TMEM132B: variants seen among roughly 807,000 people sequenced by gnomAD.
The protein encoded by TMEM132B is transmembrane protein 132B.
Under a neutral mutation model 90.8 loss-of-function variants are expected in TMEM132B, and 18 were observed. That is an observed-to-expected ratio of 0.20 (90% CI 0.14 to 0.29). TMEM132B has a LOEUF of 0.29. Among genes scored for constraint, TMEM132B ranks in the 10% least tolerant of loss-of-function variants. The pLI is 1.00. For missense variants in TMEM132B, 1,096 were observed against 1,326.8 expected, an observed-to-expected ratio of 0.83 and a Z score of 2.70; for synonymous variants, 504 against 523.3, an observed-to-expected ratio of 0.96 and a Z score of 0.50.
chr12:125,653,592 T>C lies in TMEM132B; in HGVS notation c.2134T>C (p.Phe712Leu). 1.9e-6 allele frequency: 3 copies of C among 1,609,494 alleles called. No individual in the cohort carries two copies. The highest frequency in any genetic ancestry group is 2.6e-6 in the Non-Finnish European group (3 of 1,176,084). The change falls in exon 9 of 9, where the codon TTC (phenylalanine) becomes CTC (leucine). Residue 712 changes from phenylalanine (F) to leucine (L), a missense_variant. By Grantham distance (22) the Phe-to-Leu change is conservative (BLOSUM62 0). Transcript: ENST00000682704. The part of the protein sequence containing the change: ...QEAIVSSWIL[F>L]SDGSVTPLDI... ...AGCAATAGTAAGTTCTTGGATTTTG[T>C]TCAGTGATGGTTCGGTGACACCTTT...
intron 5 of TMEM132B, among the ~76,000 whole-genome samples, chr12:125,625,306 T>A (rs1454086517): frequency 1.3e-5 from 2 of 152,040 alleles, no homozygotes; most frequent in African/African-American, 2.4e-5. Context: ...CTAATTTTTT[T>A]ATATTTTTAG....
At chr12:125,574,492 T>A (rs745416820) in intron 4 of TMEM132B, among the ~76,000 whole-genome samples, 4 of 152,172 alleles carry the variant, frequency 2.6e-5, no homozygotes, top group Non-Finnish European at 4.4e-5. Flanking sequence ...TCTTCAGTTC[T>A]TTCTAGATCT....
At chr12:125,477,303 T>C (rs970794655) in intron 3 of TMEM132B, among the ~76,000 whole-genome samples, 1 of 152,164 alleles carries the variant, frequency 6.6e-6, no homozygotes, top group African/African-American at 2.4e-5. Context: ...AAAACTGATC[T>C]TATCATAATT....
At chr12:125,591,170 A>G (rs7314338) in intron 5 of TMEM132B, among the ~76,000 whole-genome samples, 2,794 of 152,150 alleles carry the variant, frequency 0.018, 71 homozygotes, top group African/African-American at 0.062. Context: ...CAAAAGATGT[A>G]TTTTCATTTT....
chr12:125,604,445 G>A (rs1885642498), intron 5 of TMEM132B, among the ~76,000 whole-genome samples: 1 of 151,672 alleles, frequency 6.6e-6, no homozygotes, highest in Non-Finnish European at 1.5e-5. Context: ...GGGGCCAGTT[G>A]GGGGGTTGTG....
chr12:125,507,635 G>A (rs967876572), intron 3 of TMEM132B, among the ~76,000 whole-genome samples: 17 of 152,138 alleles, frequency 1.1e-4, no homozygotes, highest in African/African-American at 4.1e-4. Flanking sequence ...CTGGAGCTGG[G>A]GGAACAGTAA....
intron 1 of TMEM132B, among the ~76,000 whole-genome samples, chr12:125,321,476 CTTTT>C (rs34356043): frequency 1.4e-4 from 18 of 130,010 alleles, no homozygotes; most frequent in African/African-American, 5.0e-4. Context: ...GAAAATGATT[CTTTT>C]TTTTTTTTTT....
intron 2 of TMEM132B, among the ~76,000 whole-genome samples, chr12:125,384,554 T>A (rs1190566838): frequency 6.6e-6 from 1 of 152,234 alleles, no homozygotes; most frequent in African/African-American, 2.4e-5. Flanking sequence ...AAAATATACT[T>A]TTAGCAATTT....
At chr12:125,527,311 T>A in intron 4 of TMEM132B, among the ~76,000 whole-genome samples, 1 of 80,504 alleles carries the variant, frequency 1.2e-5, no homozygotes, top group Non-Finnish European at 2.3e-5. Flanking sequence ...CCCTCCACTC[T>A]TCCATCCACC....
intron 3 of TMEM132B, among the ~76,000 whole-genome samples, chr12:125,452,401 G>GT (rs1481734479): frequency 1.3e-5 from 2 of 152,080 alleles, no homozygotes; most frequent in Non-Finnish European, 2.9e-5. Context: ...CAGACATTTA[G>GT]TTTTTTCCAA....
At chr12:125,628,023 A>T (rs1319161897) in intron 5 of TMEM132B, among the ~76,000 whole-genome samples, 1 of 152,190 alleles carries the variant, frequency 6.6e-6, no homozygotes, top group Non-Finnish European at 1.5e-5. Context: ...ATAGTACTCC[A>T]TTGGGTATAT....
At chr12:125,567,276 A>C (rs549966235) in intron 4 of TMEM132B, among the ~76,000 whole-genome samples, 2 of 151,240 alleles carry the variant, frequency 1.3e-5, no homozygotes, top group East Asian at 2.0e-4. Context: ...CTTTCTCTAT[A>C]TCTCTCTCTC....
chr12:125,567,170 G>T (rs561815046), intron 4 of TMEM132B, among the ~76,000 whole-genome samples: 1 of 152,164 alleles, frequency 6.6e-6, no homozygotes, highest in Admixed American at 6.5e-5. Context: ...ACCACAGCCT[G>T]CTTTCACTTG....
chr12:125,423,234 A>C (rs1230997111), intron 3 of TMEM132B, among the ~76,000 whole-genome samples: 1 of 152,232 alleles, frequency 6.6e-6, no homozygotes, highest in East Asian at 1.9e-4. Context: ...TTAGGATTTG[A>C]AAGCAATGGA....
At chr12:125,576,235 T>C (rs1208218074) in intron 4 of TMEM132B, among the ~76,000 whole-genome samples, 1 of 152,104 alleles carries the variant, frequency 6.6e-6, no homozygotes, top group African/African-American at 2.4e-5. Flanking sequence ...TTAATTTCGA[T>C]GCTGTTATAA....
At chr12:125,219,404 G>A (rs183209159) in intron 1 of TMEM132B, among the ~76,000 whole-genome samples, 2 of 152,262 alleles carry the variant, frequency 1.3e-5, no homozygotes, top group Non-Finnish European at 2.9e-5. Flanking sequence ...GTTGCTTAAC[G>A]ATGTGAAAAA....
intron 1 of TMEM132B, among the ~76,000 whole-genome samples, chr12:125,281,666 G>A (rs1229337783): frequency 6.6e-6 from 1 of 152,146 alleles, no homozygotes; most frequent in Admixed American, 6.5e-5. Flanking sequence ...TTAGGGATGA[G>A]GGTAAAGTGA....
intron 3 of TMEM132B, among the ~76,000 whole-genome samples, chr12:125,485,648 C>G (rs1199071033): frequency 6.6e-6 from 1 of 152,142 alleles, no homozygotes; most frequent in African/African-American, 2.4e-5. Context: ...CCGGGTATCT[C>G]ATTTTAGAGC....
chr12:125,597,575 T>G (rs1885469875), intron 5 of TMEM132B, among the ~76,000 whole-genome samples: 1 of 152,250 alleles, frequency 6.6e-6, no homozygotes, highest in African/African-American at 2.4e-5. Context: ...GGGCTCATTG[T>G]ATGTATTCAA....
Sources: allele counts gnomAD v4.1 joint callset (sites outside exome capture counted in the v4.1 genomes callset), GRCh38; gene constraint gnomAD v4.1.1; transcripts MANE v1.5; gene names NCBI Gene and HGNC (gene_info 2026-07-23, HGNC 2026-07-21).